Variants in SPOCK1 observed in about 807,000 individuals in gnomAD.
SPOCK1 encodes the protein testican-1.
In SPOCK1, 23 loss-of-function variants were observed where a neutral mutation model predicts 55.3. The ratio of observed to expected loss-of-function variants is 0.42; its 90% CI spans 0.30 to 0.59. SPOCK1 has a LOEUF of 0.59. Ranked by LOEUF, SPOCK1 falls within the 20% of genes least tolerant of loss-of-function variation. The pLI is 0.22. For missense variants in SPOCK1, 499 were observed against 552.5 expected, an observed-to-expected ratio of 0.90 and a Z score of 0.97; for synonymous variants, 226 against 221.0, an observed-to-expected ratio of 1.02 and a Z score of -0.20.
Position 137,387,277 on chromosome 5 carries a change from G to C in SPOCK1, c.186+111096C>G, listed in dbSNP as rs146831285. ...AAACACACTCTCACCACACAATCTA[G>C]CACAAGTGCTTTCTCCTTGGTATCT... On this transcript the variant is annotated intron_variant, in intron 2 of 10. Coordinates refer to ENST00000394945, the MANE Select transcript of SPOCK1 (RefSeq NM_004598.4). Among the ~76,000 whole-genome samples, 557 of 152,298 alleles carry C rather than the reference G, an allele frequency of 3.7e-3. 1 individual carries two copies. The highest frequency in any genetic ancestry group is 0.013 in the African/African-American group (531 of 41,554).
intron 2 of SPOCK1, among the ~76,000 whole-genome samples, chr5:137,328,863 T>C (rs1469178669): frequency 6.6e-6 from 1 of 152,206 alleles, no homozygotes; most frequent in Non-Finnish European, 1.5e-5. Context: ...AAAACTGTTT[T>C]TGCTACCTGC....
At chr5:137,153,238 A>T (rs1754352475) in intron 3 of SPOCK1, among the ~76,000 whole-genome samples, 3 of 151,576 alleles carry the variant, frequency 2.0e-5, no homozygotes, top group Admixed American at 2.0e-4. Context: ...ATGCTGAAAA[A>T]CTCTGTGCAA....
intron 2 of SPOCK1, among the ~76,000 whole-genome samples, chr5:137,399,782 C>T (rs988486855): frequency 1.3e-5 from 2 of 152,162 alleles, no homozygotes; most frequent in African/African-American, 4.8e-5. Flanking sequence ...TAAAAAAAAA[C>T]TAGTAAGTAA....
chr5:137,022,346 G>A lies in SPOCK1; in HGVS notation c.590-29746C>T, dbSNP rs144999935. On this transcript the variant is annotated intron_variant, in intron 6 of 10. Transcript: ENST00000394945. Reference sequence around the variant, plus strand: ...AAACATGGAAGAATGCTTTTAATACGACTCCAGTCCCAGGCACTATCTGCC... The same window carrying A: ...AAACATGGAAGAATGCTTTTAATACAACTCCAGTCCCAGGCACTATCTGCC... Among the ~76,000 whole-genome samples, 5 of 152,122 alleles carry A rather than the reference G, an allele frequency of 3.3e-5. 1 individual carries two copies. In the East Asian group the frequency reaches 9.7e-4, roughly 29 times the overall value.
At chr5:137,426,544 T>C (rs1223598646) in intron 2 of SPOCK1, among the ~76,000 whole-genome samples, 1 of 152,222 alleles carries the variant, frequency 6.6e-6, no homozygotes, top group Non-Finnish European at 1.5e-5. Flanking sequence ...GTTATTCTCC[T>C]ACATTTGTAG....
At chr5:137,474,219 T>C (rs908731958) in intron 2 of SPOCK1, among the ~76,000 whole-genome samples, 10 of 151,898 alleles carry the variant, frequency 6.6e-5, no homozygotes, top group Non-Finnish European at 1.2e-4. Flanking sequence ...ATATAACTTA[T>C]GGAAAAATAA....
intron 2 of SPOCK1, among the ~76,000 whole-genome samples, chr5:137,293,089 A>ATTTT (rs531537488): frequency 2.1e-3 from 215 of 100,720 alleles, no homozygotes; most frequent in African/African-American, 5.7e-3. Context: ...GGTTTGTTGA[A>ATTTT]TTTTTTTTTT....
At chr5:137,160,845 A>C (rs1423742325) in intron 3 of SPOCK1, among the ~76,000 whole-genome samples, 1 of 144,346 alleles carries the variant, frequency 6.9e-6, no homozygotes, top group Non-Finnish European at 1.5e-5. Flanking sequence ...TGTAACTACC[A>C]TTTGATCCAT....
At chr5:137,336,005 A>G (rs1453289715) in intron 2 of SPOCK1, among the ~76,000 whole-genome samples, 1 of 152,018 alleles carries the variant, frequency 6.6e-6, no homozygotes, top group East Asian at 1.9e-4. Context: ...GACCCTAATG[A>G]TTTTCTCTCC....
intron 6 of SPOCK1, among the ~76,000 whole-genome samples, chr5:137,051,130 T>C (rs1035045071): frequency 1.3e-5 from 2 of 152,144 alleles, no homozygotes; most frequent in Non-Finnish European, 2.9e-5. Context: ...AGGTGAAAAA[T>C]GAATTATTGA....
chr5:136,988,369 G>T (rs773593001), intron 8 of SPOCK1, 53 bp downstream of exon 8: 4 of 1,484,804 alleles, frequency 2.7e-6, no homozygotes, highest in Non-Finnish European at 3.8e-6. Context: ...GTCCTCCTCT[G>T]CTCCAGCAAG....
chr5:137,227,505 C>T (rs1056796852), intron 3 of SPOCK1, among the ~76,000 whole-genome samples: 6 of 152,116 alleles, frequency 3.9e-5, no homozygotes, highest in Non-Finnish European at 7.3e-5. Context: ...CTGGTATGCT[C>T]GAAACAGATA....
intron 2 of SPOCK1, among the ~76,000 whole-genome samples, chr5:137,334,524 T>C (rs1300896216): frequency 1.3e-5 from 2 of 152,220 alleles, no homozygotes; most frequent in African/African-American, 4.8e-5. Flanking sequence ...GCGTTCCCTG[T>C]GCTTCTTGCT....
chr5:137,350,643 G>A (rs182345226), intron 2 of SPOCK1, among the ~76,000 whole-genome samples: 8 of 152,262 alleles, frequency 5.3e-5, no homozygotes, highest in African/African-American at 1.9e-4. Flanking sequence ...CTCAAGGGCA[G>A]GGCTGAGGGC....
chr5:137,416,688 A>G (rs993105159), intron 2 of SPOCK1, among the ~76,000 whole-genome samples: 3 of 152,148 alleles, frequency 2.0e-5, no homozygotes, highest in Non-Finnish European at 4.4e-5. Context: ...AGAAACTGCC[A>G]AACACTTTTC....
chr5:137,029,547 G>C (rs1022468875), intron 6 of SPOCK1, among the ~76,000 whole-genome samples: 1 of 152,230 alleles, frequency 6.6e-6, no homozygotes, highest in Non-Finnish European at 1.5e-5. Flanking sequence ...TAGTGGAAGA[G>C]CTGGGATTAG....
At chr5:137,187,497 A>G (rs558548075) in intron 3 of SPOCK1, among the ~76,000 whole-genome samples, 1 of 152,100 alleles carries the variant, frequency 6.6e-6, no homozygotes, top group Non-Finnish European at 1.5e-5. Flanking sequence ...GCAACCTATC[A>G]TAATTTCTCA....
At position 137,120,773 on chromosome 5, in the gene SPOCK1, T is replaced by C. The variant is rs150948029; in HGVS notation, c.348-8212A>G. Among the ~76,000 whole-genome samples the C allele has an allele frequency of 4.7e-4, 71 of 152,338 alleles. 1 individual carries two copies. In the Middle Eastern group the frequency reaches 0.01, roughly 22 times the overall value. ...CAAAATCTAAAAAGGAAATGCATTT[T>C]CAAAATTTCTAAAGAAATACATGCT... On this transcript the variant is annotated intron_variant, in intron 4 of 10. Coordinates refer to ENST00000394945, the MANE Select transcript of SPOCK1 (RefSeq NM_004598.4).
chr5:137,168,183 A>G (rs751417107), intron 3 of SPOCK1, among the ~76,000 whole-genome samples: 2 of 152,130 alleles, frequency 1.3e-5, no homozygotes, highest in Non-Finnish European at 2.9e-5. Flanking sequence ...GAATGAAACT[A>G]GACACCTATC....
Sources: allele counts gnomAD v4.1 joint callset (sites outside exome capture counted in the v4.1 genomes callset), GRCh38; gene constraint gnomAD v4.1.1; transcripts MANE v1.5; gene names NCBI Gene and HGNC (gene_info 2026-07-23, HGNC 2026-07-21).